The following SPAG16 variants were observed in gnomAD, a reference collection of about 807,000 sequenced individuals.
SPAG16 encodes the protein sperm-associated antigen 16 protein.
Under a neutral mutation model 80.4 loss-of-function variants are expected in SPAG16, and 86 were observed. That is an observed-to-expected ratio of 1.07 (90% CI 0.90 to 1.28). The LOEUF (loss-of-function observed/expected upper bound fraction) is 1.28. Ranked by LOEUF, SPAG16 falls within the 50% of genes most tolerant of loss-of-function variation. SPAG16 has a pLI of 0.00. For missense variants in SPAG16, 870 were observed against 765.3 expected, an observed-to-expected ratio of 1.14 and a Z score of -1.61; for synonymous variants, 294 against 265.9, an observed-to-expected ratio of 1.11 and a Z score of -1.03.
chr2:213,480,394 C>T (rs1468123816), intron 9 of SPAG16, among the ~76,000 whole-genome samples: 12 of 152,176 alleles, frequency 7.9e-5, no homozygotes, highest in Admixed American at 5.9e-4. Flanking sequence ...AAAGTTTTGC[C>T]TTGCCTTTGA....
At chr2:213,692,307 G>A (rs1013464941) in intron 10 of SPAG16, among the ~76,000 whole-genome samples, 1 of 151,918 alleles carries the variant, frequency 6.6e-6, no homozygotes, top group Non-Finnish European at 1.5e-5. Context: ...GTGATTACAG[G>A]GTTAACATAA....
chr2:214,029,154 T>A (rs2048283281), intron 13 of SPAG16, among the ~76,000 whole-genome samples: 1 of 151,918 alleles, frequency 6.6e-6, no homozygotes, highest in Non-Finnish European at 1.5e-5. Context: ...TAAATAAGGT[T>A]TGGTGGGGAG....
intron 15 of SPAG16, among the ~76,000 whole-genome samples, chr2:214,313,772 C>A (rs994553462): frequency 1.3e-5 from 2 of 151,926 alleles, no homozygotes; most frequent in African/African-American, 4.8e-5. Context: ...ATCTAAATAC[C>A]ACATTCAGGA....
chr2:214,066,897 G>T (rs779298000), intron 13 of SPAG16, among the ~76,000 whole-genome samples: 6 of 152,050 alleles, frequency 3.9e-5, no homozygotes, highest in Non-Finnish European at 8.8e-5. Flanking sequence ...TTATTTTCAG[G>T]TACTAAGTTT....
chr2:213,833,140 G>C (rs1342088102), intron 10 of SPAG16, among the ~76,000 whole-genome samples: 2 of 151,030 alleles, frequency 1.3e-5, no homozygotes, highest in Non-Finnish European at 2.9e-5. Flanking sequence ...TGTATCCTAA[G>C]CATTATTCTA....
chr2:213,327,778 C>T (rs2063908121), intron 5 of SPAG16, among the ~76,000 whole-genome samples: 1 of 152,042 alleles, frequency 6.6e-6, no homozygotes, highest in Non-Finnish European at 1.5e-5. Flanking sequence ...TATTTACTTA[C>T]TGGCACACTC....
chr2:213,701,417 AC>A (rs2065412385), intron 10 of SPAG16, among the ~76,000 whole-genome samples: 1 of 151,218 alleles, frequency 6.6e-6, no homozygotes, highest in African/African-American at 2.4e-5. Context: ...GCCCTCACTC[AC>A]TCTTGGCGCC....
At chr2:213,497,653 G>T (rs2074553999) in intron 10 of SPAG16, among the ~76,000 whole-genome samples, 2 of 151,858 alleles carry the variant, frequency 1.3e-5, no homozygotes, top group South Asian at 2.1e-4. Flanking sequence ...CTATAAGAAG[G>T]CATTGTTGGC....
chr2:213,334,746 G>C (rs2064268710), intron 5 of SPAG16, among the ~76,000 whole-genome samples: 3 of 152,114 alleles, frequency 2.0e-5, no homozygotes, highest in South Asian at 2.1e-4. Flanking sequence ...GTGGAATCTA[G>C]AAATCAAAAC....
At chr2:214,054,346 C>T (rs1429200108) in intron 13 of SPAG16, among the ~76,000 whole-genome samples, 1 of 152,164 alleles carries the variant, frequency 6.6e-6, no homozygotes, top group East Asian at 1.9e-4. Flanking sequence ...AACCCTATAT[C>T]TCCTTATGGC....
intron 12 of SPAG16, among the ~76,000 whole-genome samples, chr2:214,002,474 G>C (rs2046836667): frequency 6.6e-6 from 1 of 152,120 alleles, no homozygotes; most frequent in Non-Finnish European, 1.5e-5. Flanking sequence ...ATAAATTCTA[G>C]ATAAACACTG....
intron 10 of SPAG16, among the ~76,000 whole-genome samples, chr2:213,671,170 A>G (rs957801515): frequency 6.6e-6 from 1 of 152,230 alleles, no homozygotes. Flanking sequence ...AAAATATGAT[A>G]TATTAAAACA....
intron 12 of SPAG16, among the ~76,000 whole-genome samples, chr2:213,962,485 A>G (rs2044494151): frequency 6.6e-6 from 1 of 152,144 alleles, no homozygotes; most frequent in South Asian, 2.1e-4. Flanking sequence ...GCGCCCAGCC[A>G]GAACTGGTAT....
In SPAG16 at chr2:213,952,046, T is replaced by A. The variant is rs548260587; in HGVS notation, c.1400+21901T>A. Among the ~76,000 whole-genome samples the A allele has an allele frequency of 2.8e-3, 422 of 152,246 alleles. 1 individual carries two copies. The highest frequency in any genetic ancestry group is 4.5e-3 in the Non-Finnish European group (308 of 67,966). On this transcript the variant is annotated intron_variant, in intron 12 of 15. Transcript: ENST00000331683. ...ATTAATATATTCTAAGAATATTACTTATGGACAATCACTGAGGGATGATCT... is the reference window on the plus strand; with the variant it reads ...ATTAATATATTCTAAGAATATTACTAATGGACAATCACTGAGGGATGATCT...
chr2:213,878,306 A>G (rs1245083760), intron 11 of SPAG16, among the ~76,000 whole-genome samples: 1 of 152,116 alleles, frequency 6.6e-6, no homozygotes, highest in East Asian at 1.9e-4. Context: ...AATAGTGTAT[A>G]AGCATTTCTT....
At chr2:214,108,315 A>G in intron 14 of SPAG16, 54 bp downstream of exon 14, 1 of 1,409,356 alleles carries the variant, frequency 7.1e-7, no homozygotes, top group Non-Finnish European at 9.9e-7. Flanking sequence ...ATACAAATTC[A>G]TTTTTATAAA....
At chr2:213,730,633 G>T (rs1251316814) in intron 10 of SPAG16, among the ~76,000 whole-genome samples, 3 of 151,998 alleles carry the variant, frequency 2.0e-5, no homozygotes, top group Non-Finnish European at 4.4e-5. Context: ...TCTGTCTTTG[G>T]TTTTCTAAAG....
intron 10 of SPAG16, among the ~76,000 whole-genome samples, chr2:213,760,308 A>G (rs1016384198): frequency 6.6e-6 from 1 of 152,190 alleles, no homozygotes; most frequent in African/African-American, 2.4e-5. Flanking sequence ...ACTTTAATCA[A>G]AAAGTTTACA....
intron 15 of SPAG16, among the ~76,000 whole-genome samples, chr2:214,353,867 T>C (rs1016704975): frequency 6.6e-6 from 1 of 152,142 alleles, no homozygotes; most frequent in Non-Finnish European, 1.5e-5. Context: ...TATGGTAGCA[T>C]GTGTTTTGCA....
Sources: allele counts gnomAD v4.1 joint callset (sites outside exome capture counted in the v4.1 genomes callset), GRCh38; gene constraint gnomAD v4.1.1; transcripts MANE v1.5; gene names NCBI Gene and HGNC (gene_info 2026-07-23, HGNC 2026-07-21).